The following KLHL29 variants were observed in gnomAD, a reference collection of about 807,000 sequenced individuals.
KLHL29 encodes the protein kelch-like protein 29.
In KLHL29, 21 loss-of-function variants were observed where a neutral mutation model predicts 80.4. The observed-to-expected ratio is 0.26, with a 90% CI of 0.19 to 0.38. KLHL29 has a LOEUF of 0.38. Among genes scored for constraint, KLHL29 ranks in the 10% least tolerant of loss-of-function variants. The pLI is 1.00. For synonymous variants in KLHL29, 511 were observed against 526.8 expected (o/e 0.97, Z 0.41); for missense variants, 867 against 1,223.9 (o/e 0.71, Z 4.35).
At chr2:23,440,938 G>A (rs1036437257) in intron 1 of KLHL29, among the ~76,000 whole-genome samples, 24 of 152,210 alleles carry the variant, frequency 1.6e-4, no homozygotes, top group African/African-American at 5.1e-4. Context: ...TCAGGGATCT[G>A]GAACTAGAAA....
intron 2 of KLHL29, among the ~76,000 whole-genome samples, chr2:23,508,091 C>T (rs1334119719): frequency 3.3e-5 from 5 of 152,310 alleles, no homozygotes; most frequent in African/African-American, 4.8e-5. Flanking sequence ...GTCTGAGGCC[C>T]CTAAGACCCC....
rs116789648 is a variant in KLHL29 at position 23,463,419 on chromosome 2, T to G, written c.-153-12141T>G. ...CTATCAGTGGATATATTCGATATCT[T>G]GAATAGAAGGCAACACCTTGTTGAG... On this transcript the variant is annotated intron_variant, in intron 1 of 13. Coordinates refer to ENST00000486442, the MANE Select transcript of KLHL29 (RefSeq NM_052920.2). Among the ~76,000 whole-genome samples the G allele has an allele frequency of 6.0e-3, 907 of 152,290 alleles. 13 individuals are homozygous for G. The highest frequency in any genetic ancestry group is 0.021 in the African/African-American group (867 of 41,554).
intron 3 of KLHL29, among the ~76,000 whole-genome samples, chr2:23,618,550 T>C (rs1336308071): frequency 6.6e-6 from 1 of 152,174 alleles, no homozygotes; most frequent in Non-Finnish European, 1.5e-5. Flanking sequence ...GGACTGGAAC[T>C]GAAACATCCG....
intron 1 of KLHL29, among the ~76,000 whole-genome samples, chr2:23,411,020 A>C (rs1050930206): frequency 6.6e-6 from 1 of 152,124 alleles, no homozygotes; most frequent in Non-Finnish European, 1.5e-5. Context: ...CCCTTAAATT[A>C]CGTGCTTAAA....
At chr2:23,558,717 T>C (rs1166184293) in intron 2 of KLHL29, among the ~76,000 whole-genome samples, 1 of 152,378 alleles carries the variant, frequency 6.6e-6, no homozygotes, top group East Asian at 1.9e-4. Context: ...GGTAGGATGT[T>C]TTCTTACTCC....
At chr2:23,526,811 A>G (rs1666336047) in intron 2 of KLHL29, among the ~76,000 whole-genome samples, 1 of 152,172 alleles carries the variant, frequency 6.6e-6, no homozygotes, top group Non-Finnish European at 1.5e-5. Flanking sequence ...AAACGGCCAC[A>G]GTGGGAATAT....
In KLHL29 at chr2:23,574,777, A is replaced by G. The variant is rs539077673; in HGVS notation, c.285+12296A>G. The stretch of plus-strand genomic sequence containing the variant: ...ATGAATGAATACCCACCATGGGAAG[A>G]GAGAAGCAATGTCTGAGCATAAATT... On this transcript the variant is annotated intron_variant, in intron 3 of 13. Transcript: ENST00000486442. Among the ~76,000 whole-genome samples, 11 of 152,352 alleles carry G rather than the reference A, an allele frequency of 7.2e-5. No homozygotes were observed. The South Asian group carries it at 2.1e-3, about 29-fold the overall frequency.
At position 23,693,382 on chromosome 2, in the gene KLHL29, G is replaced by A; in HGVS notation, c.1396G>A (p.Val466Met). 6.4e-7 allele frequency: 1 copy of A among 1,551,744 alleles called. No individual in the cohort carries two copies. The highest frequency in any genetic ancestry group is 1.2e-5 in the South Asian group (1 of 84,066). The change falls in exon 8 of 14, where the codon GTG (valine) becomes ATG (methionine). Residue 466 changes from valine to methionine, a missense_variant. Val to Met is a conservative substitution (Grantham distance 21). Transcript: ENST00000486442. ...CTTCGCGCTGCAGATCTTCCCCGAG[G>A]TGGCCGCCCAGGAGGAGATCCTCAG... Reference protein sequence around the residue: ...KAFALQIFPEVAAQEEILSIS... With the variant: ...KAFALQIFPEMAAQEEILSIS...
chr2:23,640,781 T>C (rs1277118968), intron 4 of KLHL29, among the ~76,000 whole-genome samples: 2 of 152,204 alleles, frequency 1.3e-5, no homozygotes, highest in Non-Finnish European at 2.9e-5. Flanking sequence ...CGGGAAAGGC[T>C]TGGGCCTACG....
intron 2 of KLHL29, among the ~76,000 whole-genome samples, chr2:23,508,032 G>A (rs1222577401): frequency 1.3e-5 from 2 of 152,178 alleles, no homozygotes; most frequent in Non-Finnish European, 2.9e-5. Flanking sequence ...CCTGGTTCAC[G>A]CATGCTCCTC....
chr2:23,625,940 C>T (rs1375586449), intron 3 of KLHL29, among the ~76,000 whole-genome samples: 1 of 152,176 alleles, frequency 6.6e-6, no homozygotes, highest in East Asian at 1.9e-4. Context: ...GAGAGCCCTC[C>T]CCAGAACCTG....
chr2:23,410,052 A>G (rs1232709269), intron 1 of KLHL29, among the ~76,000 whole-genome samples: 1 of 152,126 alleles, frequency 6.6e-6, no homozygotes, highest in Non-Finnish European at 1.5e-5. Context: ...ACCAGAGGGG[A>G]GCATGGCACA....
chr2:23,705,412 A>C (rs1672655302), intron 13 of KLHL29, among the ~76,000 whole-genome samples: 1 of 152,074 alleles, frequency 6.6e-6, no homozygotes. Context: ...GAATTGCTTG[A>C]ACCTGGGAGG....
At chr2:23,401,950 T>C (rs1558324707) in intron 1 of KLHL29, among the ~76,000 whole-genome samples, 1 of 152,262 alleles carries the variant, frequency 6.6e-6, no homozygotes, top group Non-Finnish European at 1.5e-5. Context: ...TGTGCTCCTG[T>C]GGAAAATGAT....
At chr2:23,678,436 C>G (rs1420482428) in intron 5 of KLHL29, among the ~76,000 whole-genome samples, 1 of 152,202 alleles carries the variant, frequency 6.6e-6, no homozygotes, top group African/African-American at 2.4e-5. Context: ...CCTGGCACCA[C>G]TATCATAGGA....
At chr2:23,568,214 A>T (rs1342091797) in intron 3 of KLHL29, among the ~76,000 whole-genome samples, 1 of 152,198 alleles carries the variant, frequency 6.6e-6, no homozygotes. Flanking sequence ...AAGTCCATAC[A>T]CGGATTCCAA....
chr2:23,494,540 G>A (rs949292529), intron 2 of KLHL29, among the ~76,000 whole-genome samples: 7 of 152,202 alleles, frequency 4.6e-5, no homozygotes, highest in Non-Finnish European at 8.8e-5. Flanking sequence ...CTAAAAGCAC[G>A]TGCTTTGTCG....
chr2:23,477,013 G>C (rs930173431), intron 2 of KLHL29, among the ~76,000 whole-genome samples: 2 of 152,284 alleles, frequency 1.3e-5, no homozygotes, highest in Non-Finnish European at 2.9e-5. Flanking sequence ...AGGCTGGAGG[G>C]CAGAGGAGTG....
intron 13 of KLHL29, among the ~76,000 whole-genome samples, chr2:23,705,642 G>A (rs1474093541): frequency 2.6e-5 from 4 of 152,202 alleles, no homozygotes; most frequent in Non-Finnish European, 2.9e-5. Flanking sequence ...AAGCTTCAGG[G>A]TCTGGTAAGA....
Sources: gnomAD v4.1 joint callset for allele counts (sites outside exome capture counted in the v4.1 genomes callset) on GRCh38, gnomAD v4.1.1 for gene constraint, MANE v1.5 for transcripts, NCBI Gene and HGNC (gene_info 2026-07-23, HGNC 2026-07-21) for gene names.